Variants in KIF26B observed in about 807,000 individuals in gnomAD.
KIF26B encodes the protein kinesin-like protein KIF26B.
Under a neutral mutation model 151.2 loss-of-function variants are expected in KIF26B, and 63 were observed. The ratio of observed to expected loss-of-function variants is 0.42; its 90% CI spans 0.34 to 0.51. KIF26B has a LOEUF of 0.51. Among genes scored for constraint, KIF26B ranks in the 20% least tolerant of loss-of-function variants. KIF26B has a pLI of 0.07. For missense variants in KIF26B, 2,813 were observed against 2,913.6 expected, an observed-to-expected ratio of 0.97 and a Z score of 0.79; for synonymous variants, 1,357 against 1,262.1, an observed-to-expected ratio of 1.08 and a Z score of -1.59.
In KIF26B at chr1:245,677,158, A is replaced by G. The variant is rs549980924; in HGVS notation, c.2259-7075A>G. On this transcript the variant is annotated intron_variant, in intron 10 of 14. Coordinates refer to ENST00000407071, the MANE Select transcript of KIF26B (RefSeq NM_018012.4). ...AGGATAAGCAAGACATGACCTCATA[A>G]TAGGAGGTGTGCTGGTTGGATCACA... Among the ~76,000 whole-genome samples, 16 of 152,342 alleles carry G rather than the reference A, an allele frequency of 1.1e-4. No homozygotes were observed. In the East Asian group the frequency reaches 2.7e-3, roughly 26 times the overall value.
chr1:245,654,516 C>CAT (rs2044053182), intron 10 of KIF26B, among the ~76,000 whole-genome samples: 1 of 152,184 alleles, frequency 6.6e-6, no homozygotes, highest in African/African-American at 2.4e-5. Flanking sequence ...CACCCTATTT[C>CAT]ATGAGCCTTT....
chr1:245,578,607 A>G (rs2043147037), intron 5 of KIF26B, among the ~76,000 whole-genome samples: 3 of 152,254 alleles, frequency 2.0e-5, no homozygotes, highest in African/African-American at 7.2e-5. Context: ...GGGATTTCAT[A>G]GCTGAGAGAT....
intron 12 of KIF26B, among the ~76,000 whole-genome samples, chr1:245,691,057 C>T (rs1024628690): frequency 1.5e-4 from 23 of 152,222 alleles, no homozygotes; most frequent in African/African-American, 4.8e-4. Context: ...TGCGTGGCCA[C>T]GTGTGTTTCA....
chr1:245,697,375 G>A (rs11805219), intron 12 of KIF26B, among the ~76,000 whole-genome samples: 4,720 of 152,256 alleles, frequency 0.031, 105 homozygotes, highest in South Asian at 0.081. Flanking sequence ...AGCCGTCCTC[G>A]TCACAACGTG....
chr1:245,387,110 T>C (rs1378153306), intron 3 of KIF26B, among the ~76,000 whole-genome samples: 3 of 152,124 alleles, frequency 2.0e-5, no homozygotes, highest in Admixed American at 1.3e-4. Flanking sequence ...TGTTGTATGG[T>C]AGGGTGTACT....
intron 2 of KIF26B, among the ~76,000 whole-genome samples, chr1:245,286,980 G>C (rs1244725445): frequency 1.3e-5 from 2 of 152,200 alleles, no homozygotes; most frequent in East Asian, 3.9e-4. Flanking sequence ...ATGGTGGCAT[G>C]TGCCTGTAAT....
intron 2 of KIF26B, among the ~76,000 whole-genome samples, chr1:245,273,701 C>T (rs1670891891): frequency 6.6e-6 from 1 of 152,104 alleles, no homozygotes; most frequent in Non-Finnish European, 1.5e-5. Flanking sequence ...TTTTGGTTAC[C>T]ATTTACGTAG....
At chr1:245,452,690 A>T (rs928965048) in intron 4 of KIF26B, among the ~76,000 whole-genome samples, 1 of 152,108 alleles carries the variant, frequency 6.6e-6, no homozygotes, top group East Asian at 1.9e-4. Context: ...TTCCCTAGTG[A>T]CTAAGAGATG....
intron 10 of KIF26B, among the ~76,000 whole-genome samples, chr1:245,647,261 T>C (rs1318775909): frequency 2.6e-5 from 4 of 151,350 alleles, no homozygotes; most frequent in South Asian, 2.1e-4. Context: ...CCATCTCTAC[T>C]AAAAATACAA....
rs541761248 is a variant in KIF26B at position 245,688,303 on chromosome 1, C to A, written c.5320C>A (p.Pro1774Thr). 14 of 1,595,468 alleles carry A rather than the reference C, an allele frequency of 8.8e-6. No homozygotes were observed. Among genetic ancestry groups the A allele is most frequent in the Non-Finnish European group, 1.2e-5 (14 of 1,178,052 alleles). The change falls in exon 12 of 15, where the codon CCC becomes ACC. Residue 1774 changes from proline (P) to threonine (T), a missense_variant. Pro to Thr is a conservative substitution (Grantham distance 38, BLOSUM62 -1). This residue lies in a region of KIF26B where 2,060 missense variants were observed against 2,088.6 expected (regional missense o/e 0.99). Transcript: ENST00000407071. The part of the protein sequence containing the change: ...PQAVGQGSSS[P>T]PGGKHTPWST... ...GGCGGTGGGCCAGGGCTCCAGCTCG[C>A]CCCCCGGTGGGAAGCACACGCCCTG...
chr1:245,291,015 G>A (rs1671246129), intron 2 of KIF26B, among the ~76,000 whole-genome samples: 1 of 152,208 alleles, frequency 6.6e-6, no homozygotes, highest in Non-Finnish European at 1.5e-5. Context: ...TGGGGGTGTT[G>A]TCTCTTTTCC....
intron 5 of KIF26B, among the ~76,000 whole-genome samples, chr1:245,567,280 T>C (rs758903515): frequency 2.0e-5 from 3 of 152,198 alleles, no homozygotes; most frequent in Non-Finnish European, 2.9e-5. Flanking sequence ...ATTTATTCCA[T>C]TGTGTGGAAG....
chr1:245,334,280 T>C (rs1055802468), intron 2 of KIF26B, among the ~76,000 whole-genome samples: 2 of 152,200 alleles, frequency 1.3e-5, no homozygotes, highest in African/African-American at 4.8e-5. Context: ...ACTAACTTAA[T>C]TTGTGTTTTG....
At chr1:245,225,494 G>T (rs1056348005) in intron 2 of KIF26B, among the ~76,000 whole-genome samples, 1 of 152,202 alleles carries the variant, frequency 6.6e-6, no homozygotes, top group African/African-American at 2.4e-5. Flanking sequence ...GCTTACACCG[G>T]CCGTGTCAGA....
At chr1:245,216,054 C>T (rs1408327923) in intron 2 of KIF26B, 2 of 151,678 alleles carry the variant, frequency 1.3e-5, no homozygotes, top group East Asian at 1.9e-4. Context: ...ATAATGAGAC[C>T]TTGTCTCTAA....
intron 4 of KIF26B, among the ~76,000 whole-genome samples, chr1:245,502,471 G>A (rs1054121310): frequency 6.7e-6 from 1 of 149,858 alleles, no homozygotes; most frequent in African/African-American, 2.5e-5. Flanking sequence ...AGGTTGCAGT[G>A]AGCCGAGATC....
chr1:245,456,956 C>T (rs1659546193), intron 4 of KIF26B, among the ~76,000 whole-genome samples: 1 of 152,208 alleles, frequency 6.6e-6, no homozygotes. Flanking sequence ...ACCTTTGTCT[C>T]CTGGGTTCAA....
At chr1:245,536,006 G>C (rs1483661615) in intron 4 of KIF26B, among the ~76,000 whole-genome samples, 1 of 152,148 alleles carries the variant, frequency 6.6e-6, no homozygotes, top group African/African-American at 2.4e-5. Flanking sequence ...TGTGCCAACT[G>C]TGTTCCAGGC....
intron 3 of KIF26B, among the ~76,000 whole-genome samples, chr1:245,374,731 T>C (rs1673232611): frequency 2.0e-5 from 3 of 152,226 alleles, no homozygotes. Context: ...TTAGGTTATG[T>C]ATCTTTATGC....
Sources: allele counts gnomAD v4.1 joint callset (sites outside exome capture counted in the v4.1 genomes callset), GRCh38; gene constraint gnomAD v4.1.1; regional missense constraint gnomAD v4.1.1; transcripts MANE v1.5; gene names NCBI Gene and HGNC (gene_info 2026-07-23, HGNC 2026-07-21).